The following IL1RN variants were observed in gnomAD, a reference collection of about 807,000 sequenced individuals.
IL1RN encodes interleukin-1 receptor antagonist protein.
IL1RN carries 10 observed loss-of-function variants against 13.7 expected under a neutral mutation model. The ratio of observed to expected loss-of-function variants is 0.73; its 90% CI spans 0.45 to 1.24. The LOEUF (loss-of-function observed/expected upper bound fraction) is 1.24, where lower values mean the gene tolerates loss of function less well. Among genes scored for constraint, IL1RN ranks in the 50% most tolerant of loss-of-function variants. The pLI is 0.00. For missense variants in IL1RN, 213 were observed against 222.1 expected (o/e 0.96, Z 0.26); for synonymous variants, 102 against 82.7 (o/e 1.23, Z -1.27).
chr2:113,121,809 G>T (rs1407841786), intron 2 of IL1RN, among the ~76,000 whole-genome samples: 1 of 152,216 alleles, frequency 6.6e-6, no homozygotes, highest in African/African-American at 2.4e-5. Context: ...CTGTCCTGCT[G>T]CCTTAGGGAG....
chr2:113,121,435 C>T, intron 2 of IL1RN: 2 of 985,210 alleles, frequency 2.0e-6, no homozygotes, highest in Non-Finnish European at 2.4e-6. Flanking sequence ...TCTCCATTTC[C>T]TCCTGTCTGC....
upstream of IL1RN, among the ~76,000 whole-genome samples, chr2:113,125,314 C>G (rs17042939): frequency 0.014 from 2,165 of 152,364 alleles, 122 homozygotes; most frequent in Admixed American, 0.11. Context: ...TATACATCAT[C>G]TCCTTCAGCT....
At chr2:113,117,757 C>G (rs190133729), upstream of IL1RN, 3 of 590,374 alleles carry the variant, frequency 5.1e-6, no homozygotes, top group African/African-American at 5.6e-5. Flanking sequence ...CTGAGTCACC[C>G]TCCTGGAAAC....
At chr2:113,105,034 C>T (rs971760416), upstream of IL1RN, among the ~76,000 whole-genome samples, 2 of 152,116 alleles carry the variant, frequency 1.3e-5, no homozygotes, top group Admixed American at 1.3e-4. Context: ...ACATGGGAAC[C>T]CTGAAAGGAA....
At chr2:113,111,385 G>A (rs1430823018) in intron 1 of IL1RN, among the ~76,000 whole-genome samples, 1 of 152,138 alleles carries the variant, frequency 6.6e-6, no homozygotes, top group Non-Finnish European at 1.5e-5. Flanking sequence ...GTGGCTCAGA[G>A]TCACACAGCT....
upstream of IL1RN, chr2:113,117,659 G>C: frequency 2.2e-6 from 1 of 445,494 alleles, no homozygotes; most frequent in Non-Finnish European, 4.1e-6. Context: ...CGGCAGTCGG[G>C]GTTGGGGTAA....
the IL1RN span, among the ~76,000 whole-genome samples, chr2:113,099,694 C>G: frequency 6.7e-6 from 1 of 149,326 alleles, no homozygotes; most frequent in Non-Finnish European, 1.5e-5. Flanking sequence ...GCCTCCTATC[C>G]GCCATTTTTC....
upstream of IL1RN, among the ~76,000 whole-genome samples, chr2:113,109,099 G>C (rs373259246): frequency 1.3e-5 from 2 of 152,110 alleles, no homozygotes; most frequent in South Asian, 2.1e-4. Flanking sequence ...TAAGGTGAGA[G>C]AGAAAAAGAA....
At chr2:113,124,701 T>G (rs562326500), upstream of IL1RN, among the ~76,000 whole-genome samples, 11 of 152,158 alleles carry the variant, frequency 7.2e-5, no homozygotes, top group Non-Finnish European at 1.6e-4. Context: ...TGATGTGGCT[T>G]CTATTATTAG....
chr2:113,126,379 T>C (rs1686959881), upstream of IL1RN, among the ~76,000 whole-genome samples: 1 of 152,182 alleles, frequency 6.6e-6, no homozygotes, highest in Non-Finnish European at 1.5e-5. Flanking sequence ...AGATCCCTTT[T>C]TTGTCTAAAT....
intron 2 of IL1RN, chr2:113,129,925 G>A (rs1172709908): frequency 3.6e-5 from 17 of 474,520 alleles, no homozygotes; most frequent in Non-Finnish European, 6.2e-5. Context: ...CAGCTGGGAA[G>A]GGCAAATACC....
At chr2:113,129,527 C>A in intron 1 of IL1RN, 49 bp from the exon 2 acceptor site, 1 of 1,182,022 alleles carries the variant, frequency 8.5e-7, no homozygotes, top group South Asian at 1.2e-5. Context: ...AAGCACAAGG[C>A]TGGGCACATG....
At chr2:113,114,912 G>A (rs1472095072), upstream of IL1RN, among the ~76,000 whole-genome samples, 1 of 152,102 alleles carries the variant, frequency 6.6e-6, no homozygotes, top group Non-Finnish European at 1.5e-5. Context: ...GGAGGGAAGG[G>A]TGTTCCATGC....
At chr2:113,099,723 C>CTTTTTT in the IL1RN span, among the ~76,000 whole-genome samples, 429 of 72,152 alleles carry the variant, frequency 5.9e-3, 24 homozygotes, top group South Asian at 9.8e-3. Context: ...CCTCTTCTTT[C>CTTTTTT]TTTTCTTTTT....
chr2:113,112,462 GC>G (rs1178641701), intron 1 of IL1RN, among the ~76,000 whole-genome samples: 1 of 152,134 alleles, frequency 6.6e-6, no homozygotes, highest in Admixed American at 6.5e-5. Flanking sequence ...CCCCAACTCT[GC>G]CCCAAGCCTG....
the IL1RN span, among the ~76,000 whole-genome samples, chr2:113,100,954 T>C: frequency 6.6e-6 from 1 of 152,222 alleles, no homozygotes; most frequent in African/African-American, 2.4e-5. Context: ...AATTAACATG[T>C]ATATTTCTTA....
At chr2:113,131,278 G>A (rs1687160949) in intron 3 of IL1RN, 121 bp downstream of exon 3, 4 of 721,352 alleles carry the variant, frequency 5.5e-6, no homozygotes, top group Admixed American at 2.0e-5. Context: ...TCCATGTGGT[G>A]GAACATGCTG....
At chr2:113,132,358 G>A (rs1185919524) in intron 3 of IL1RN, among the ~76,000 whole-genome samples, 2 of 152,252 alleles carry the variant, frequency 1.3e-5, no homozygotes, top group African/African-American at 4.8e-5. Context: ...TGAGGCAGGA[G>A]AATCGCTTGA....
In IL1RN at chr2:113,133,499, G is replaced by A. The variant is rs1687248008; in HGVS notation, c.*628G>A. 6.4e-6 allele frequency: 1 copy of A among 156,846 alleles called. No individual in the cohort carries two copies. Among genetic ancestry groups the A allele is most frequent in the Admixed American group, 6.2e-5 (1 of 16,256 alleles). 9.7% of individuals were successfully genotyped at this position (156,846 alleles called of 1,614,324 possible). A position where few individuals can be genotyped will look rare whatever the true frequency, so the allele number is the denominator to read the frequency against. ...TTTCCCTTCTTTTTCTTCTTTTTTT[G>A]TGATGTCCCAACTTGTAAAAATTAA... On this transcript the variant is annotated 3_prime_UTR_variant, in exon 4 of 4. Coordinates refer to ENST00000409930, the MANE Select transcript of IL1RN (RefSeq NM_173842.3).
Sources: gnomAD v4.1 joint callset for allele counts (sites outside exome capture counted in the v4.1 genomes callset) on GRCh38, gnomAD v4.1.1 for gene constraint, MANE v1.5 for transcripts, NCBI Gene and HGNC (gene_info 2026-07-23, HGNC 2026-07-21) for gene names.